The following TEAD1 variants were observed in gnomAD, a reference collection of about 807,000 sequenced individuals.
TEAD1 encodes the protein TEA domain transcription factor 1, also known as transcriptional enhancer factor TEF-1.
TEAD1 carries 9 observed loss-of-function variants against 54.9 expected under a neutral mutation model. The observed-to-expected ratio is 0.16, with a 90% confidence interval of 0.10 to 0.29. TEAD1 has a LOEUF of 0.29. Among genes scored for constraint, TEAD1 ranks in the 10% least tolerant of loss-of-function variants. The probability of loss-of-function intolerance (pLI) is 1.00; values close to 1 mark genes in which losing one functional copy is unlikely to be tolerated. For synonymous variants in TEAD1, 200 were observed against 187.8 expected, an observed-to-expected ratio of 1.07 and a Z score of -0.53; for missense variants, 387 against 535.9, an observed-to-expected ratio of 0.72 and a Z score of 2.74.
intron 2 of TEAD1, among the ~76,000 whole-genome samples, chr11:12,718,446 G>T (rs1201951513): frequency 6.6e-6 from 1 of 152,196 alleles, no homozygotes; most frequent in East Asian, 1.9e-4. Context: ...GCTGCTGTTG[G>T]CATCATCTTC....
At chr11:12,890,456 G>A (rs1391070841) in intron 9 of TEAD1, among the ~76,000 whole-genome samples, 1 of 152,152 alleles carries the variant, frequency 6.6e-6, no homozygotes, top group Non-Finnish European at 1.5e-5. Context: ...ATGCTCTAGT[G>A]GCAGCAAAGA....
At chr11:12,852,464 T>TC (rs1397652601) in intron 3 of TEAD1, among the ~76,000 whole-genome samples, 1 of 131,116 alleles carries the variant, frequency 7.6e-6, no homozygotes, top group Non-Finnish European at 1.7e-5. Flanking sequence ...TTTTTTTTTT[T>TC]CGAGACAGAG....
At chr11:12,933,301 CAA>C (rs1406944967) in intron 12 of TEAD1, among the ~76,000 whole-genome samples, 2 of 152,062 alleles carry the variant, frequency 1.3e-5, no homozygotes, top group Non-Finnish European at 2.9e-5. Context: ...ACCTATCAAT[CAA>C]TATATATTAG....
intron 5 of TEAD1, among the ~76,000 whole-genome samples, chr11:12,877,295 A>G (rs1947870949): frequency 6.6e-6 from 1 of 152,194 alleles, no homozygotes; most frequent in African/African-American, 2.4e-5. Context: ...TTGAGCATCC[A>G]TGAAAAGCTG....
chr11:12,925,926 A>G (rs147269996), intron 11 of TEAD1, among the ~76,000 whole-genome samples: 24 of 152,294 alleles, frequency 1.6e-4, no homozygotes, highest in African/African-American at 5.8e-4. Context: ...AGAGTTTATT[A>G]TATATTAGGA....
chr11:12,775,548 A>G (rs1945399640), intron 3 of TEAD1, among the ~76,000 whole-genome samples: 3 of 152,152 alleles, frequency 2.0e-5, no homozygotes, highest in Admixed American at 6.5e-5. Flanking sequence ...CAGTGATAGT[A>G]TGTGTTTAAA....
rs112547160 is a variant in TEAD1 at position 12,886,143 on chromosome 11, G to A, written c.699+3018G>A. 5.4e-3 allele frequency among the ~76,000 whole-genome samples: 827 copies of A among 152,366 alleles called. 3 individuals carry two copies. Among genetic ancestry groups the A allele is most frequent in the Non-Finnish European group, 7.2e-3 (488 of 68,030 alleles). ...AATAAGGGAGCAGAATATTCCAGAG[G>A]TGATGAAGCTGAAGTGTATGTGGCA... On this transcript the variant is annotated intron_variant, in intron 9 of 12. Coordinates refer to ENST00000527636, the MANE Select transcript of TEAD1 (RefSeq NM_021961.6).
At chr11:12,682,441 C>G (rs558595186) in intron 2 of TEAD1, among the ~76,000 whole-genome samples, 6 of 152,110 alleles carry the variant, frequency 3.9e-5, no homozygotes, top group African/African-American at 1.4e-4. Context: ...GAATGGAGTT[C>G]TGTCTGGCTG....
chr11:12,713,520 A>G (rs1036855267), intron 2 of TEAD1, among the ~76,000 whole-genome samples: 3 of 152,250 alleles, frequency 2.0e-5, no homozygotes, highest in African/African-American at 7.2e-5. Flanking sequence ...TAGGACTTCT[A>G]TTACATGGGT....
intron 8 of TEAD1, among the ~76,000 whole-genome samples, chr11:12,882,604 C>T (rs1947995864): frequency 6.6e-6 from 1 of 152,158 alleles, no homozygotes; most frequent in Non-Finnish European, 1.5e-5. Context: ...GTGCTAGTGA[C>T]CACAGTCTTA....
Position 12,927,422 on chromosome 11 carries a change from A to C in TEAD1, c.1014+2370A>C, listed in dbSNP as rs1262173368. 2.6e-5 allele frequency among the ~76,000 whole-genome samples: 4 copies of C among 152,224 alleles called. No individual in the cohort carries two copies. In the South Asian group the frequency reaches 8.3e-4, roughly 32 times the overall value. ...CCCACTATTTGTGTCTACGTATCCC[A>C]GTACCATGTGGATTTGATTACAGTG... is the stretch of plus-strand genomic sequence containing the variant. On this transcript the variant is annotated intron_variant, in intron 11 of 12. Transcript: ENST00000527636.
chr11:12,881,876 T>A lies in TEAD1; in HGVS notation c.513-20T>A. The A allele has an allele frequency of 1.2e-6, 2 of 1,613,946 alleles. No homozygotes were observed. The highest frequency in any genetic ancestry group is 2.2e-5 in the South Asian group (2 of 91,076). On this transcript the variant is annotated intron_variant, in intron 7 of 12. Transcript: ENST00000527636. Reference sequence around the variant, plus strand: ...GCAGATGCGATCTCTTAACTCTGTCTGCCATCTCTCTGTTCCCAGCGTCAA... The same window carrying A: ...GCAGATGCGATCTCTTAACTCTGTCAGCCATCTCTCTGTTCCCAGCGTCAA...
At chr11:12,836,351 C>T (rs530902951) in intron 3 of TEAD1, among the ~76,000 whole-genome samples, 8 of 148,624 alleles carry the variant, frequency 5.4e-5, no homozygotes, top group African/African-American at 1.7e-4. Context: ...ACCGGGCAGG[C>T]GGAGCTTGCA....
intron 9 of TEAD1, among the ~76,000 whole-genome samples, chr11:12,894,615 G>A (rs1448642296): frequency 4.6e-5 from 7 of 152,192 alleles, no homozygotes; most frequent in South Asian, 2.1e-4. Flanking sequence ...AGGGAAATGC[G>A]GACGCCAGAC....
chr11:12,847,858 T>C (rs1375220000), intron 3 of TEAD1, among the ~76,000 whole-genome samples: 1 of 152,140 alleles, frequency 6.6e-6, no homozygotes, highest in Non-Finnish European at 1.5e-5. Context: ...CAAGCAGCTG[T>C]CCTGAATCTA....
intron 10 of TEAD1, among the ~76,000 whole-genome samples, chr11:12,908,117 A>G (rs1948551383): frequency 1.3e-5 from 2 of 152,134 alleles, no homozygotes; most frequent in South Asian, 2.1e-4. Flanking sequence ...GGTCTAGCCA[A>G]TTCTTAGAGT....
At chr11:12,797,174 T>C (rs2133970263) in intron 3 of TEAD1, among the ~76,000 whole-genome samples, 1 of 152,354 alleles carries the variant, frequency 6.6e-6, no homozygotes, top group Admixed American at 6.5e-5. Context: ...GAAGCACTAG[T>C]ATCCCAGATG....
At chr11:12,758,552 A>G (rs925137514) in intron 2 of TEAD1, among the ~76,000 whole-genome samples, 3 of 151,822 alleles carry the variant, frequency 2.0e-5, no homozygotes, top group Non-Finnish European at 4.4e-5. Context: ...CTGGGACTAC[A>G]GGCGCCTGCC....
intron 2 of TEAD1, among the ~76,000 whole-genome samples, chr11:12,711,306 G>A (rs1011185682): frequency 3.3e-5 from 5 of 152,188 alleles, no homozygotes; most frequent in African/African-American, 7.2e-5. Context: ...GGCTAGAGCA[G>A]GAGTTGGAAG....
Sources: gnomAD v4.1 joint callset for allele counts (sites outside exome capture counted in the v4.1 genomes callset) on GRCh38, gnomAD v4.1.1 for gene constraint, MANE v1.5 for transcripts, NCBI Gene and HGNC (gene_info 2026-07-23, HGNC 2026-07-21) for gene names.